The following TRPM3 variants were observed in gnomAD, a reference collection of about 807,000 sequenced individuals.
TRPM3 encodes the protein long transient receptor potential channel 3.
Under a neutral mutation model 181.2 loss-of-function variants are expected in TRPM3, and 77 were observed. That is an observed-to-expected ratio of 0.42 (90% confidence interval 0.35 to 0.51). TRPM3 has a LOEUF of 0.51. TRPM3 is among the 20% of genes least tolerant of loss of function. TRPM3 has a pLI of 0.01. For missense variants in TRPM3, 1,759 were observed against 2,196.7 expected (o/e 0.80, Z 3.98); for synonymous variants, 745 against 796.4 (o/e 0.94, Z 1.09).
At chr9:71,020,684 A>G (rs903984073) in intron 1 of TRPM3, among the ~76,000 whole-genome samples, 1 of 152,190 alleles carries the variant, frequency 6.6e-6, no homozygotes, top group African/African-American at 2.4e-5. Context: ...AGATAAAAAC[A>G]TCTACTCTCA....
intron 1 of TRPM3, among the ~76,000 whole-genome samples, chr9:71,142,027 A>G (rs1051686524): frequency 1.3e-5 from 2 of 152,204 alleles, no homozygotes; most frequent in African/African-American, 4.8e-5. Flanking sequence ...GTAAGTAGAA[A>G]GAGTTTTGTC....
chr9:70,611,089 C>G (rs577373189), intron 18 of TRPM3, among the ~76,000 whole-genome samples: 1 of 152,252 alleles, frequency 6.6e-6, no homozygotes, highest in South Asian at 2.1e-4. Flanking sequence ...TCTATTCTTC[C>G]TCCCCACCTG....
At chr9:70,787,763 C>CTTTTTTTTTTTTTTTTTTTTGGTT (rs2084054300) in intron 6 of TRPM3, among the ~76,000 whole-genome samples, 3 of 68,560 alleles carry the variant, frequency 4.4e-5, no homozygotes, top group African/African-American at 5.8e-5. Context: ...TTTTTGGATT[C>CTTTTTTTTTTTTTTTTTTTTGGTT]TTTTTTTTTT....
intron 1 of TRPM3, among the ~76,000 whole-genome samples, chr9:71,259,902 AT>A (rs1332384869): frequency 1.3e-5 from 2 of 151,996 alleles, no homozygotes; most frequent in Non-Finnish European, 2.9e-5. Flanking sequence ...CCATTTTACA[AT>A]TTTGGCTTTT....
intron 9 of TRPM3, among the ~76,000 whole-genome samples, chr9:70,655,593 G>A (rs939732922): frequency 3.3e-5 from 5 of 152,162 alleles, no homozygotes; most frequent in African/African-American, 9.6e-5. Context: ...CTTTGTGTGC[G>A]TGATTATATG....
At chr9:70,833,513 AG>A (rs1482311014) in intron 5 of TRPM3, among the ~76,000 whole-genome samples, 3 of 152,154 alleles carry the variant, frequency 2.0e-5, no homozygotes, top group African/African-American at 7.2e-5. Context: ...CAATTTCCCA[AG>A]GATTAACCCA....
chr9:71,109,995 A>G (rs542939477), intron 1 of TRPM3, among the ~76,000 whole-genome samples: 4 of 152,240 alleles, frequency 2.6e-5, no homozygotes, highest in African/African-American at 9.6e-5. Flanking sequence ...CAATATATAT[A>G]TTTTTGTGAA....
chr9:71,279,034 T>TAAAAAAAAAAAA lies in TRPM3; in HGVS notation c.183+167618_183+167619insTTTTTTTTTTTT, dbSNP rs200421016. Among the ~76,000 whole-genome samples, 3 of 47,490 alleles carry TAAAAAAAAAAAA rather than the reference T, an allele frequency of 6.3e-5. 1 individual carries two copies. Among genetic ancestry groups the TAAAAAAAAAAAA allele is most frequent in the African/African-American group, 2.1e-4 (2 of 9,560 alleles). 31.2% of individuals were successfully genotyped at this position (47,490 alleles called of 152,430 possible). A position where few individuals can be genotyped will look rare whatever the true frequency, so the allele number is the denominator to read the frequency against. On this transcript the variant is annotated intron_variant, in intron 1 of 24. Transcript: ENST00000357533. ...CCTCACCAAACTTATCCTGCTTAGG[T>TAAAAAAAAAAAA]TAAAAAAAATAAAAATAAAAATAAA... is the stretch of plus-strand genomic sequence containing the variant.
intron 8 of TRPM3, among the ~76,000 whole-genome samples, chr9:70,688,401 C>T (rs10116914): frequency 0.36 from 55,073 of 151,940 alleles, 10,235 homozygotes; most frequent in East Asian, 0.46. Context: ...ACCTGTCATC[C>T]GAGCAGTGTA....
intron 1 of TRPM3, among the ~76,000 whole-genome samples, chr9:71,166,176 A>C (rs2076531042): frequency 6.6e-6 from 1 of 152,124 alleles, no homozygotes; most frequent in Non-Finnish European, 1.5e-5. Flanking sequence ...TTCTGGAAGC[A>C]CTACAGGGAA....
intron 1 of TRPM3, among the ~76,000 whole-genome samples, chr9:70,887,743 C>T (rs1407119405): frequency 2.0e-5 from 3 of 152,128 alleles, no homozygotes; most frequent in African/African-American, 7.2e-5. Flanking sequence ...CAATTACCAT[C>T]TCATTTCTTT....
At chr9:71,338,335 A>G (rs1413621108) in intron 1 of TRPM3, among the ~76,000 whole-genome samples, 1 of 152,176 alleles carries the variant, frequency 6.6e-6, no homozygotes, top group Non-Finnish European at 1.5e-5. Flanking sequence ...GCCTGCTGGA[A>G]TAACGTTCAA....
chr9:71,242,458 T>C (rs148825818), intron 1 of TRPM3, among the ~76,000 whole-genome samples: 34 of 152,326 alleles, frequency 2.2e-4, no homozygotes, highest in African/African-American at 7.5e-4. Context: ...GTTAACAGAA[T>C]GAAATGCCAA....
chr9:71,297,863 TCA>T (rs1473868719), intron 1 of TRPM3, among the ~76,000 whole-genome samples: 1 of 152,158 alleles, frequency 6.6e-6, no homozygotes, highest in Non-Finnish European at 1.5e-5. Context: ...CTGCCCAATT[TCA>T]CAGTTTCCTT....
At chr9:71,153,016 G>A (rs920296577) in intron 1 of TRPM3, among the ~76,000 whole-genome samples, 4 of 152,096 alleles carry the variant, frequency 2.6e-5, no homozygotes, top group Non-Finnish European at 5.9e-5. Flanking sequence ...GCCAATGGCT[G>A]TCATGCCATT....
intron 1 of TRPM3, among the ~76,000 whole-genome samples, chr9:71,096,870 A>G (rs2067373469): frequency 6.6e-6 from 1 of 152,150 alleles, no homozygotes; most frequent in Non-Finnish European, 1.5e-5. Flanking sequence ...AAAATTCAGA[A>G]TTCAAAAATA....
chr9:71,080,061 T>C (rs928063887), intron 1 of TRPM3, among the ~76,000 whole-genome samples: 10 of 151,992 alleles, frequency 6.6e-5, no homozygotes, highest in African/African-American at 2.4e-4. Context: ...TTCCAGCGAC[T>C]TGAGAGGCTG....
At chr9:71,159,631 G>A (rs1009991013) in intron 1 of TRPM3, among the ~76,000 whole-genome samples, 3 of 152,014 alleles carry the variant, frequency 2.0e-5, no homozygotes, top group African/African-American at 7.2e-5. Flanking sequence ...GGAGTAAAAG[G>A]GTACGAGCCC....
Position 70,536,914 on chromosome 9 carries a change from G to C in TRPM3, c.4199C>G (p.Ala1400Gly), listed in dbSNP as rs780811903. Residue 1400 changes from alanine (A) to glycine (G), a missense_variant, in exon 26 of 26, where the codon GCC becomes GGC. Coordinates refer to ENST00000677713, the MANE Select transcript of TRPM3 (RefSeq NM_001366145.2). Reference sequence around the variant, plus strand: ...TGGTCTTCTGGAATCAGGAACAATGGCCAAGGTGTTGGCAGGGGCTGCAGG... The same window carrying C: ...TGGTCTTCTGGAATCAGGAACAATGCCCAAGGTGTTGGCAGGGGCTGCAGG... ...KAPAAPANTL[A>G]IVPDSRRPSS... The C allele has an allele frequency of 1.9e-6, 3 of 1,614,220 alleles. No individual in the cohort carries two copies. The South Asian group carries it at 3.3e-5, about 18-fold the overall frequency.
Sources: allele counts gnomAD v4.1 joint callset (sites outside exome capture counted in the v4.1 genomes callset), GRCh38; gene constraint gnomAD v4.1.1; transcripts MANE v1.5; gene names NCBI Gene and HGNC (gene_info 2026-07-23, HGNC 2026-07-21).